The following PTPN22 variants were observed in gnomAD, a reference collection of about 807,000 sequenced individuals.
PTPN22 encodes protein tyrosine phosphatase non-receptor type 22, also known as tyrosine-protein phosphatase non-receptor type 22.
Under a neutral mutation model 103.3 loss-of-function variants are expected in PTPN22, and 85 were observed. The observed-to-expected ratio is 0.82, with a 90% confidence interval of 0.69 to 0.99. The LOEUF (loss-of-function observed/expected upper bound fraction) is 0.99, where lower values mean the gene tolerates loss of function less well. Among genes scored for constraint, PTPN22 ranks in the 50% least tolerant of loss-of-function variants. The pLI, the probability that PTPN22 is intolerant of heterozygous loss-of-function variation, is 0.00. For missense variants in PTPN22, 865 were observed against 936.9 expected (o/e 0.92, Z 1.00); for synonymous variants, 323 against 310.2 (o/e 1.04, Z -0.43).
intron 10 of PTPN22, among the ~76,000 whole-genome samples, 197 bp downstream of exon 10, chr1:113,851,830 A>C (rs1317593767): frequency 6.6e-6 from 1 of 152,254 alleles, no homozygotes; most frequent in African/African-American, 2.4e-5. Flanking sequence ...AAGGAATGAA[A>C]GGAATTTGAC....
chr1:113,843,099 C>CAAAAAAAAAAAAAAA (rs71090738), intron 11 of PTPN22, among the ~76,000 whole-genome samples: 2 of 47,890 alleles, frequency 4.2e-5, no homozygotes, highest in Non-Finnish European at 7.7e-5. Context: ...GACTCCGTCT[C>CAAAAAAAAAAAAAAA]AAAAAAAAAA....
At chr1:113,851,936 C>T in intron 10 of PTPN22, 91 bp downstream of exon 10, 1 of 876,102 alleles carries the variant, frequency 1.1e-6, no homozygotes, top group South Asian at 1.8e-5. Context: ...GGTGTTATAT[C>T]TGAGCAGTCA....
intron 13 of PTPN22, among the ~76,000 whole-genome samples, chr1:113,835,576 G>A (rs1662930822): frequency 6.6e-6 from 1 of 152,004 alleles, no homozygotes; most frequent in Admixed American, 6.6e-5. Context: ...TTGAGTCACG[G>A]TGTATCAGTT....
chr1:113,839,345 G>C (rs776600774), intron 11 of PTPN22, among the ~76,000 whole-genome samples: 1 of 149,774 alleles, frequency 6.7e-6, no homozygotes, highest in Admixed American at 6.7e-5. Context: ...CTCCCAAGTA[G>C]CTGGGACACT....
intron 11 of PTPN22, among the ~76,000 whole-genome samples, chr1:113,839,607 C>T (rs1328484454): frequency 1.3e-5 from 2 of 151,974 alleles, no homozygotes; most frequent in East Asian, 1.9e-4. Flanking sequence ...AATATATCTT[C>T]ATTTCAGAGA....
intron 5 of PTPN22, 43 bp from the exon 6 acceptor site, chr1:113,856,662 C>A (rs1250134695): frequency 2.5e-6 from 4 of 1,613,160 alleles, no homozygotes; most frequent in Non-Finnish European, 3.4e-6. Context: ...TCCATATATT[C>A]TAGTCTTTTC....
At chr1:113,851,992 G>A in intron 10 of PTPN22, 35 bp downstream of exon 10, 1 of 1,507,226 alleles carries the variant, frequency 6.6e-7, no homozygotes, top group South Asian at 1.2e-5. Context: ...GCAAGACTCA[G>A]ACACATGTTC....
intron 10 of PTPN22, 80 bp from the exon 11 acceptor site, chr1:113,848,706 T>C (rs1025774330): frequency 7.8e-7 from 1 of 1,287,584 alleles, no homozygotes. Flanking sequence ...TTTAGGAATA[T>C]GAACACCAAT....
intron 5 of PTPN22, 135 bp from the exon 6 acceptor site, chr1:113,856,754 C>T (rs1391018406): frequency 1.8e-6 from 2 of 1,081,276 alleles, no homozygotes; most frequent in East Asian, 2.6e-5. Context: ...GCTTCAACCC[C>T]TACATTATTG....
At chr1:113,827,897 A>G (rs1382644817) in intron 18 of PTPN22, among the ~76,000 whole-genome samples, 1 of 152,232 alleles carries the variant, frequency 6.6e-6, no homozygotes, top group Non-Finnish European at 1.5e-5. Flanking sequence ...ATTTCCCCAT[A>G]GCCTCCCTAA....
intron 1 of PTPN22, among the ~76,000 whole-genome samples, chr1:113,869,174 T>A (rs1291898733): frequency 2.0e-5 from 3 of 152,060 alleles, no homozygotes; most frequent in African/African-American, 7.2e-5. Context: ...CGAGATGGTG[T>A]CATTGCATTC....
intron 1 of PTPN22, among the ~76,000 whole-genome samples, chr1:113,866,458 C>A (rs1666125916): frequency 6.6e-6 from 1 of 151,948 alleles, no homozygotes; most frequent in African/African-American, 2.4e-5. Flanking sequence ...TTGCAGTGAG[C>A]CGAGATCATG....
At chr1:113,861,454 A>C (rs1665587217) in intron 1 of PTPN22, among the ~76,000 whole-genome samples, 1 of 151,798 alleles carries the variant, frequency 6.6e-6, no homozygotes. Flanking sequence ...GTTGGCCAGG[A>C]TGGTCTGGAA....
chr1:113,859,263 G>A, intron 2 of PTPN22, 89 bp downstream of exon 2: 1 of 1,535,702 alleles, frequency 6.5e-7, no homozygotes, highest in Non-Finnish European at 8.9e-7. Context: ...CATGTTCCAA[G>A]ATCAGGATCA....
chr1:113,838,690 A>G (rs1663247165), intron 11 of PTPN22, 70 bp from the exon 12 acceptor site: 2 of 1,532,656 alleles, frequency 1.3e-6, no homozygotes, highest in Admixed American at 4.4e-5. Flanking sequence ...AATATTTAGA[A>G]GGCTGAAAAG....
chr1:113,857,883 TTG>T, intron 4 of PTPN22, 107 bp from the exon 5 acceptor site: 1 of 1,081,782 alleles, frequency 9.2e-7, no homozygotes, highest in Non-Finnish European at 1.3e-6. Context: ...TTTTTCTGTT[TTG>T]TCGTTTTTTT....
intron 19 of PTPN22, chr1:113,823,412 G>C (rs1217719701): frequency 6.6e-6 from 1 of 152,226 alleles, no homozygotes; most frequent in Non-Finnish European, 1.5e-5. Flanking sequence ...AAGGGGCTGA[G>C]GACACATATG....
intron 17 of PTPN22, 112 bp from the exon 18 acceptor site, chr1:113,829,819 A>G: frequency 8.3e-7 from 1 of 1,198,174 alleles, no homozygotes; most frequent in Non-Finnish European, 1.2e-6. Context: ...TTGACTATAT[A>G]TTAGGGGCTT....
chr1:113,858,617 C>G (rs1173897038), intron 3 of PTPN22, 44 bp from the exon 4 acceptor site: 1 of 1,175,400 alleles, frequency 8.5e-7, no homozygotes, highest in South Asian at 1.4e-5. Context: ...CAAATAATAC[C>G]CTGTTCTCAC....
Sources: allele counts gnomAD v4.1 joint callset (sites outside exome capture counted in the v4.1 genomes callset), GRCh38; gene constraint gnomAD v4.1.1; transcripts MANE v1.5; gene names NCBI Gene and HGNC (gene_info 2026-07-23, HGNC 2026-07-21).